The following AUTS2 variants were observed in gnomAD, a reference collection of about 807,000 sequenced individuals.
The protein encoded by AUTS2 is autism susceptibility gene 2 protein.
A neutral mutation model predicts 112.4 loss-of-function variants in AUTS2; 17 were observed. The observed-to-expected ratio is 0.15, with a 90% CI of 0.10 to 0.23. The LOEUF (loss-of-function observed/expected upper bound fraction) is 0.23. Among genes scored for constraint, AUTS2 ranks in the 10% least tolerant of loss-of-function variants. The probability of loss-of-function intolerance (pLI) is 1.00; values close to 1 mark genes in which losing one functional copy is unlikely to be tolerated. For synonymous variants in AUTS2, 751 were observed against 702.7 expected, an observed-to-expected ratio of 1.07 and a Z score of -1.09; for missense variants, 1,510 against 1,701.6, an observed-to-expected ratio of 0.89 and a Z score of 1.98.
At chr7:69,964,847 C>A (rs1201985022) in intron 2 of AUTS2, among the ~76,000 whole-genome samples, 1 of 151,950 alleles carries the variant, frequency 6.6e-6, no homozygotes, top group Non-Finnish European at 1.5e-5. Context: ...CCCCATAATT[C>A]CTGTGAAACC....
chr7:69,892,500 A>T (rs1054401609), intron 1 of AUTS2, among the ~76,000 whole-genome samples: 1 of 152,208 alleles, frequency 6.6e-6, no homozygotes, highest in African/African-American at 2.4e-5. Flanking sequence ...TACACATTTT[A>T]AAAAATATTT....
chr7:69,853,951 A>G (rs1036699976), intron 1 of AUTS2, among the ~76,000 whole-genome samples: 2 of 152,212 alleles, frequency 1.3e-5, no homozygotes, highest in African/African-American at 4.8e-5. Context: ...TAAGTGATAT[A>G]TGAAATCATG....
At chr7:69,947,648 C>A (rs893956688) in intron 2 of AUTS2, among the ~76,000 whole-genome samples, 3 of 152,046 alleles carry the variant, frequency 2.0e-5, no homozygotes, top group African/African-American at 7.2e-5. Flanking sequence ...CTGTTTCGGG[C>A]CATGAAACAA....
chr7:69,935,538 A>ACTC (rs1323435588), intron 2 of AUTS2, among the ~76,000 whole-genome samples: 2 of 152,146 alleles, frequency 1.3e-5, no homozygotes, highest in Non-Finnish European at 2.9e-5. Context: ...TTTAGATGTG[A>ACTC]CCATTAGTTC....
intron 12 of AUTS2, chr7:70,774,312 C>T (rs552978349): frequency 6.0e-5 from 32 of 536,988 alleles, no homozygotes; most frequent in Admixed American, 1.3e-4. Flanking sequence ...ACCGACTTGC[C>T]GATGGGAGAA....
chr7:70,449,135 G>C (rs1397449984), intron 5 of AUTS2, among the ~76,000 whole-genome samples: 1 of 152,192 alleles, frequency 6.6e-6, no homozygotes, highest in Admixed American at 6.5e-5. Context: ...GCAGAGCCAG[G>C]CAACTGGATA....
intron 1 of AUTS2, among the ~76,000 whole-genome samples, chr7:69,831,980 G>T (rs1350692616): frequency 1.3e-5 from 2 of 152,150 alleles, no homozygotes; most frequent in African/African-American, 2.4e-5. Context: ...CAGTAAGTTG[G>T]CTTGGCAGCC....
At chr7:70,685,291 G>A (rs1286999706) in intron 5 of AUTS2, among the ~76,000 whole-genome samples, 1 of 151,764 alleles carries the variant, frequency 6.6e-6, no homozygotes, top group East Asian at 1.9e-4. Flanking sequence ...TGGCCAACAC[G>A]GTGAAATCCC....
At chr7:69,828,948 A>G (rs1474389767) in intron 1 of AUTS2, among the ~76,000 whole-genome samples, 1 of 152,206 alleles carries the variant, frequency 6.6e-6, no homozygotes, top group Non-Finnish European at 1.5e-5. Flanking sequence ...TGGCAAATAA[A>G]ATAATCCAGT....
chr7:69,689,068 C>A (rs912359646), intron 1 of AUTS2, among the ~76,000 whole-genome samples: 3 of 152,062 alleles, frequency 2.0e-5, no homozygotes, highest in East Asian at 3.8e-4. Context: ...TGTCTTGAAA[C>A]CTTTGTGTAA....
At chr7:70,282,573 C>G (rs2129610731) in intron 4 of AUTS2, among the ~76,000 whole-genome samples, 1 of 152,256 alleles carries the variant, frequency 6.6e-6, no homozygotes, top group South Asian at 2.1e-4. Context: ...AGGCTTCACC[C>G]TCATGACCTA....
chr7:70,729,029 A>G (rs1188236572), intron 6 of AUTS2: 2 of 380,206 alleles, frequency 5.3e-6, no homozygotes, highest in Admixed American at 2.8e-5. Flanking sequence ...GGGCAGGATT[A>G]GCAGCCTGGG....
intron 12 of AUTS2, 94 bp from the exon 13 acceptor site, chr7:70,775,263 A>C: frequency 2.0e-6 from 2 of 1,023,938 alleles, no homozygotes; most frequent in Non-Finnish European, 3.0e-6. Context: ...CTAACATTTT[A>C]ATTTCCCCTC....
At chr7:70,731,821 A>T (rs1006486992) in intron 6 of AUTS2, among the ~76,000 whole-genome samples, 15 of 151,712 alleles carry the variant, frequency 9.9e-5, no homozygotes, top group African/African-American at 2.9e-4. Context: ...CCCCCCGCAC[A>T]AATAGACAAT....
chr7:69,650,783 T>C (rs1795252671), intron 1 of AUTS2, among the ~76,000 whole-genome samples: 1 of 152,188 alleles, frequency 6.6e-6, no homozygotes, highest in Admixed American at 6.5e-5. Context: ...TGCTTATTGC[T>C]CCCTGTGCAT....
intron 1 of AUTS2, among the ~76,000 whole-genome samples, chr7:69,637,802 G>A (rs1055398869): frequency 2.0e-5 from 3 of 152,182 alleles, no homozygotes; most frequent in Non-Finnish European, 4.4e-5. Context: ...TGTATCAGGG[G>A]TGGCCTTGGA....
chr7:70,193,076 T>C (rs1348193893), intron 4 of AUTS2, among the ~76,000 whole-genome samples: 1 of 152,216 alleles, frequency 6.6e-6, no homozygotes, highest in African/African-American at 2.4e-5. Flanking sequence ...TTTTAGTTCA[T>C]AATTGTAATC....
At chr7:70,192,859 G>T (rs898763377) in intron 4 of AUTS2, among the ~76,000 whole-genome samples, 2 of 152,150 alleles carry the variant, frequency 1.3e-5, no homozygotes, top group African/African-American at 4.8e-5. Flanking sequence ...GACATGGACG[G>T]GGGGAGTCAA....
chr7:70,678,606 GA>G (rs1193626093), intron 5 of AUTS2, among the ~76,000 whole-genome samples: 1 of 152,180 alleles, frequency 6.6e-6, no homozygotes, highest in African/African-American at 2.4e-5. Flanking sequence ...TAGAGATAAA[GA>G]AACTGACAGA....
Sources: allele counts gnomAD v4.1 joint callset (sites outside exome capture counted in the v4.1 genomes callset), GRCh38; gene constraint gnomAD v4.1.1; transcripts MANE v1.5; gene names NCBI Gene and HGNC (gene_info 2026-07-23, HGNC 2026-07-21).